The following ZFYVE9 variants were observed in gnomAD, a reference collection of about 807,000 sequenced individuals.
ZFYVE9 encodes the protein zinc finger FYVE domain-containing protein 9.
A neutral mutation model predicts 126.7 loss-of-function variants in ZFYVE9; 43 were observed. That is an observed-to-expected ratio of 0.34 (90% confidence interval 0.27 to 0.44). The LOEUF (loss-of-function observed/expected upper bound fraction) is 0.44. Among genes scored for constraint, ZFYVE9 ranks in the 20% least tolerant of loss-of-function variants. The pLI, the probability that ZFYVE9 is intolerant of heterozygous loss-of-function variation, is 1.00. For synonymous variants in ZFYVE9, 521 were observed against 597.4 expected, an observed-to-expected ratio of 0.87 and a Z score of 1.87; for missense variants, 1,476 against 1,697.0, an observed-to-expected ratio of 0.87 and a Z score of 2.29.
At chr1:52,329,539 AGAAAAT>A (rs1187541070) in intron 13 of ZFYVE9, among the ~76,000 whole-genome samples, 1 of 152,216 alleles carries the variant, frequency 6.6e-6, no homozygotes, top group Non-Finnish European at 1.5e-5. Flanking sequence ...GACATTAGCA[AGAAAAT>A]GAAAAGACAA....
At chr1:52,258,203 G>A (rs1365309169) in intron 4 of ZFYVE9, among the ~76,000 whole-genome samples, 1 of 152,140 alleles carries the variant, frequency 6.6e-6, no homozygotes, top group African/African-American at 2.4e-5. Context: ...AGTTCAATCA[G>A]TGCAGTAGAT....
At chr1:52,211,794 TATC>T (rs1285132828) in intron 1 of ZFYVE9, among the ~76,000 whole-genome samples, 3 of 152,358 alleles carry the variant, frequency 2.0e-5, no homozygotes, top group Non-Finnish European at 2.9e-5. Flanking sequence ...TTTTCAAACA[TATC>T]ATCATTTTAT....
At chr1:52,310,269 T>C (rs1159238383) in intron 13 of ZFYVE9, among the ~76,000 whole-genome samples, 1 of 152,170 alleles carries the variant, frequency 6.6e-6, no homozygotes, top group Admixed American at 6.6e-5. Context: ...CCTCATGTTG[T>C]TACAATGAGA....
chr1:52,296,038 G>A (rs371216881), intron 12 of ZFYVE9, 61 bp downstream of exon 12: 139 of 1,461,634 alleles, frequency 9.5e-5, no homozygotes, highest in Non-Finnish European at 1.2e-4. Context: ...AAGGAAGAAA[G>A]CAATTTTATT....
chr1:52,269,094 C>G (rs762730901), intron 7 of ZFYVE9, among the ~76,000 whole-genome samples: 28 of 152,152 alleles, frequency 1.8e-4, no homozygotes, highest in Non-Finnish European at 3.7e-4. Flanking sequence ...ACTGACACAT[C>G]GTAGCCAACC....
chr1:52,206,384 C>A (rs117139517), intron 1 of ZFYVE9, among the ~76,000 whole-genome samples: 2 of 152,244 alleles, frequency 1.3e-5, no homozygotes, highest in East Asian at 1.9e-4. Flanking sequence ...CAAAGATAAT[C>A]CAAGAGATGT....
intron 12 of ZFYVE9, among the ~76,000 whole-genome samples, chr1:52,297,388 C>CCA (rs995900213): frequency 1.3e-5 from 2 of 152,006 alleles, no homozygotes; most frequent in Admixed American, 6.5e-5. Flanking sequence ...CAGGCACCTG[C>CCA]CACCACGCCT....
chr1:52,156,673 A>C (rs981856450), intron 1 of ZFYVE9, among the ~76,000 whole-genome samples: 1 of 152,158 alleles, frequency 6.6e-6, no homozygotes, highest in Non-Finnish European at 1.5e-5. Context: ...ATTAAAAGCT[A>C]GACTTTGGCC....
At chr1:52,174,067 G>A (rs1453604882) in intron 1 of ZFYVE9, among the ~76,000 whole-genome samples, 1 of 151,702 alleles carries the variant, frequency 6.6e-6, no homozygotes, top group Non-Finnish European at 1.5e-5. Context: ...GTTTGCTCTT[G>A]CTTTTCTAGT....
chr1:52,151,667 C>T (rs1191470439), intron 1 of ZFYVE9, among the ~76,000 whole-genome samples: 2 of 151,712 alleles, frequency 1.3e-5, no homozygotes, highest in Non-Finnish European at 2.9e-5. Flanking sequence ...AGGCACCCAC[C>T]ACTACACCTG....
chr1:52,167,429 A>G (rs894246054), intron 1 of ZFYVE9, among the ~76,000 whole-genome samples: 3 of 152,232 alleles, frequency 2.0e-5, no homozygotes, highest in Non-Finnish European at 4.4e-5. Flanking sequence ...TGGATAAATG[A>G]AATTGCACGT....
intron 4 of ZFYVE9, among the ~76,000 whole-genome samples, chr1:52,246,351 C>T (rs181990650): frequency 9.9e-5 from 15 of 152,132 alleles, no homozygotes; most frequent in Middle Eastern, 3.4e-3. Flanking sequence ...AAATTAGTTG[C>T]AGTTTATTTT....
At chr1:52,197,056 T>G (rs1451759942) in intron 1 of ZFYVE9, among the ~76,000 whole-genome samples, 2 of 152,238 alleles carry the variant, frequency 1.3e-5, no homozygotes, top group Non-Finnish European at 2.9e-5. Context: ...GTTTAACAGC[T>G]GAATGGAGAA....
chr1:52,245,802 G>A (rs1645378924), intron 4 of ZFYVE9, among the ~76,000 whole-genome samples: 1 of 152,124 alleles, frequency 6.6e-6, no homozygotes, highest in African/African-American at 2.4e-5. Context: ...AGTCTTGCTA[G>A]CTGTATAACT....
chr1:52,157,844 A>G (rs1278675242), intron 1 of ZFYVE9, among the ~76,000 whole-genome samples: 2 of 152,080 alleles, frequency 1.3e-5, no homozygotes, highest in South Asian at 2.1e-4. Flanking sequence ...ATTGCTATCA[A>G]TGAGCCTTTC....
intron 1 of ZFYVE9, among the ~76,000 whole-genome samples, chr1:52,168,224 T>TTC (rs1644531383): frequency 6.9e-6 from 1 of 144,830 alleles, no homozygotes; most frequent in Non-Finnish European, 1.5e-5. Context: ...CTTTTTTTTT[T>TTC]TTTTTTTTTT....
At chr1:52,278,964 C>T (rs939074510) in intron 9 of ZFYVE9, among the ~76,000 whole-genome samples, 1 of 151,910 alleles carries the variant, frequency 6.6e-6, no homozygotes, top group Non-Finnish European at 1.5e-5. Context: ...TGGTCTTGAT[C>T]TCCTGACCTG....
At position 52,239,378 on chromosome 1, in the gene ZFYVE9, C is replaced by T. The variant is rs1323367352; in HGVS notation, c.1961C>T (p.Ala654Val). ...TNGEHLESYE[A>V]EISTRPCLAL... is the part of the protein sequence containing the mutation. The stretch of plus-strand genomic sequence containing the variant: ...GGGGAACATTTAGAAAGTTATGAGG[C>T]TGAGATCTCCACTAGACCATGCCTT... The change falls in exon 4 of 19, where the codon GCT becomes GTT. Residue 654 changes from alanine to valine, a missense_variant. By Grantham distance (64) the Ala-to-Val change is moderately conservative. Coordinates refer to ENST00000287727, the MANE Select transcript of ZFYVE9 (RefSeq NM_004799.4). 1.2e-6 allele frequency: 2 copies of T among 1,613,994 alleles called. No homozygotes were observed. The highest frequency in any genetic ancestry group is 1.7e-6 in the Non-Finnish European group (2 of 1,180,016).
intron 6 of ZFYVE9, 103 bp downstream of exon 6, chr1:52,266,934 A>G: frequency 1.8e-6 from 2 of 1,112,118 alleles, no homozygotes; most frequent in Non-Finnish European, 2.5e-6. Context: ...ACTGCAGATA[A>G]GTCTCTTTGG....
Sources: allele counts gnomAD v4.1 joint callset (sites outside exome capture counted in the v4.1 genomes callset), GRCh38; gene constraint gnomAD v4.1.1; transcripts MANE v1.5; gene names NCBI Gene and HGNC (gene_info 2026-07-23, HGNC 2026-07-21).